The following CNNM2 variants were observed in gnomAD, a reference collection of about 807,000 sequenced individuals.
The protein encoded by CNNM2 is cyclin and CBS domain divalent metal cation transport mediator 2.
Under a neutral mutation model 66.9 loss-of-function variants are expected in CNNM2, and 12 were observed. The ratio of observed to expected loss-of-function variants is 0.18; its 90% CI spans 0.11 to 0.29. The LOEUF (loss-of-function observed/expected upper bound fraction) is 0.29, where lower values mean the gene tolerates loss of function less well. Ranked by LOEUF, CNNM2 falls within the 10% of genes least tolerant of loss-of-function variation. The pLI is 1.00. For synonymous variants in CNNM2, 557 were observed against 501.8 expected, an observed-to-expected ratio of 1.11 and a Z score of -1.47; for missense variants, 705 against 1,167.7, an observed-to-expected ratio of 0.60 and a Z score of 5.77.
At chr10:103,071,057 A>T (rs1250461911) in intron 5 of CNNM2, among the ~76,000 whole-genome samples, 1 of 152,192 alleles carries the variant, frequency 6.6e-6, no homozygotes, top group African/African-American at 2.4e-5. Flanking sequence ...GTTAGTACAG[A>T]TATCACAAGG....
At chr10:103,021,081 CTA>C (rs748895795) in intron 1 of CNNM2, among the ~76,000 whole-genome samples, 46 of 152,246 alleles carry the variant, frequency 3.0e-4, no homozygotes, top group Admixed American at 5.2e-4. Flanking sequence ...AACAAGGAAA[CTA>C]TGCAGAATAT....
At chr10:102,992,823 A>G (rs2063922636) in intron 1 of CNNM2, among the ~76,000 whole-genome samples, 1 of 152,176 alleles carries the variant, frequency 6.6e-6, no homozygotes, top group South Asian at 2.1e-4. Context: ...GGGCAAATCA[A>G]GTTAATCTGC....
chr10:102,918,309 T>C lies in CNNM2; in HGVS notation c.-172T>C. ...GCGCTCCTCTCCCTCCCTCTTTCCC[T>C]CCCGCGAGCCTCGGGGTTCCTCAGC... On this transcript the variant is annotated 5_prime_UTR_variant, in exon 1 of 8. Transcript: ENST00000369878. The surrounding 1 kb of genome is among the most constrained non-coding windows in gnomAD (Gnocchi z 4.1). The C allele has an allele frequency of 8.5e-7, 1 of 1,179,302 alleles. No individual in the cohort carries two copies. The highest frequency in any genetic ancestry group is 3.0e-5 in the East Asian group (1 of 33,036). 73.1% of individuals were successfully genotyped at this position (1,179,302 alleles called of 1,614,324 possible).
chr10:103,063,002 A>T (rs1266942942), intron 4 of CNNM2, among the ~76,000 whole-genome samples: 1 of 152,206 alleles, frequency 6.6e-6, no homozygotes, highest in East Asian at 1.9e-4. Flanking sequence ...CCCAGTTGAC[A>T]GTAGCAAGGC....
chr10:102,978,707 G>A (rs1353881625), intron 1 of CNNM2, among the ~76,000 whole-genome samples: 1 of 152,168 alleles, frequency 6.6e-6, no homozygotes, highest in Non-Finnish European at 1.5e-5. Context: ...TCGCAAACTG[G>A]TCATACCTGT....
chr10:103,070,444 A>G (rs972143894), intron 5 of CNNM2, among the ~76,000 whole-genome samples: 2 of 152,198 alleles, frequency 1.3e-5, no homozygotes, highest in African/African-American at 2.4e-5. Context: ...CATGAGGGGA[A>G]ATGTGAGTAT....
At chr10:102,994,357 C>T (rs1458890205) in intron 1 of CNNM2, among the ~76,000 whole-genome samples, 4 of 152,256 alleles carry the variant, frequency 2.6e-5, no homozygotes, top group East Asian at 1.9e-4. Flanking sequence ...ACAAAATTGC[C>T]GGAAGGGCTG....
chr10:103,067,463 A>T (rs1333145644), intron 4 of CNNM2, among the ~76,000 whole-genome samples: 4 of 152,178 alleles, frequency 2.6e-5, no homozygotes, highest in African/African-American at 9.7e-5. Context: ...TGCTGCATCG[A>T]GTTGTGCACA....
rs2134439858 is a variant in CNNM2 at position 103,089,499 on chromosome 10, T to C, written c.*12319T>C. 2 of 1,228,276 alleles carry C rather than the reference T, an allele frequency of 1.6e-6. No individual in the cohort carries two copies. The highest frequency in any genetic ancestry group is 1.1e-6 in the Non-Finnish European group (1 of 918,976). 76.1% of individuals were successfully genotyped at this position (1,228,276 alleles called of 1,614,324 possible). A position where few individuals can be genotyped will look rare whatever the true frequency, so the allele number is the denominator to read the frequency against. On this transcript the variant is annotated 3_prime_UTR_variant, in exon 8 of 8. Coordinates refer to ENST00000369878, the MANE Select transcript of CNNM2 (RefSeq NM_017649.5). ...TTGGACCATCTGCAGAGAGTACAGATACACAAAACCAAAACAAGTATCTAT... is the reference window on the plus strand; with the variant it reads ...TTGGACCATCTGCAGAGAGTACAGACACACAAAACCAAAACAAGTATCTAT...
intron 1 of CNNM2, among the ~76,000 whole-genome samples, chr10:102,989,524 C>T (rs550588117): frequency 3.9e-5 from 6 of 152,024 alleles, no homozygotes; most frequent in East Asian, 3.9e-4. Flanking sequence ...AGTTTGGGGA[C>T]GGGCATGGTG....
intron 1 of CNNM2, among the ~76,000 whole-genome samples, chr10:102,921,392 A>C (rs1030353009): frequency 2.0e-5 from 3 of 152,322 alleles, no homozygotes; most frequent in Admixed American, 6.5e-5. Flanking sequence ...GAACATACTC[A>C]AAGAGTGTAT....
chr10:102,985,861 C>A (rs1327915900), intron 1 of CNNM2, among the ~76,000 whole-genome samples: 1 of 152,190 alleles, frequency 6.6e-6, no homozygotes. Flanking sequence ...GGAGTGATGT[C>A]TCCTAAATGG....
At chr10:103,046,501 T>G (rs2065129155) in intron 1 of CNNM2, among the ~76,000 whole-genome samples, 1 of 152,234 alleles carries the variant, frequency 6.6e-6, no homozygotes, top group Admixed American at 6.5e-5. Flanking sequence ...CTTGAAACTC[T>G]TAAAAATGAT....
chr10:102,983,156 A>G (rs887331777), intron 1 of CNNM2, among the ~76,000 whole-genome samples: 1 of 151,852 alleles, frequency 6.6e-6, no homozygotes, highest in Non-Finnish European at 1.5e-5. Context: ...AGGATTGAAA[A>G]AAGACCTTGC....
chr10:103,019,512 T>C (rs2064529111), intron 1 of CNNM2, among the ~76,000 whole-genome samples: 1 of 152,018 alleles, frequency 6.6e-6, no homozygotes, highest in Admixed American at 6.6e-5. Context: ...ATAGGGGACA[T>C]GGAGAAGTTT....
At chr10:102,951,929 G>A (rs1846851664) in intron 1 of CNNM2, among the ~76,000 whole-genome samples, 1 of 151,888 alleles carries the variant, frequency 6.6e-6, no homozygotes, top group South Asian at 2.1e-4. Flanking sequence ...TCAGCCTCCC[G>A]AGGAGCTGGG....
chr10:103,028,829 T>TTTTTTTTTTTTTTC (rs2064764044), intron 1 of CNNM2, among the ~76,000 whole-genome samples: 1 of 19,884 alleles, frequency 5.0e-5, no homozygotes, highest in Non-Finnish European at 1.1e-4. Context: ...TTTTTTTTTC[T>TTTTTTTTTTTTTTC]TTTTTTTTTT....
rs901937775 is a variant in CNNM2, at chr10:103,049,861, T to C, written c.1765+11T>C. The C allele has an allele frequency of 6.2e-7, 1 of 1,611,650 alleles. No homozygotes were observed. The highest frequency in any genetic ancestry group is 1.7e-5 in the Admixed American group (1 of 59,876). On this transcript the variant is annotated intron_variant, in intron 2 of 7. Transcript: ENST00000369878. Reference sequence around the variant, plus strand: ...AAACAGATTTATACAGTAAGTAGCATTGTCTGAGTGTATTTCCCGAAACCT... The same window carrying C: ...AAACAGATTTATACAGTAAGTAGCACTGTCTGAGTGTATTTCCCGAAACCT...
intron 1 of CNNM2, among the ~76,000 whole-genome samples, chr10:102,973,118 C>G (rs866773544): frequency 6.6e-6 from 1 of 151,352 alleles, no homozygotes; most frequent in Middle Eastern, 3.4e-3. Flanking sequence ...ATTTTTGTAT[C>G]TAAAGTACAT....
Sources: allele counts gnomAD v4.1 joint callset (sites outside exome capture counted in the v4.1 genomes callset), GRCh38; gene constraint gnomAD v4.1.1; non-coding constraint Gnocchi (gnomAD v3.1); transcripts MANE v1.5; gene names NCBI Gene and HGNC (gene_info 2026-07-23, HGNC 2026-07-21).